EYS: variants seen among roughly 807,000 people sequenced by gnomAD.
The protein encoded by EYS is protein eyes shut homolog.
Under a neutral mutation model 282.1 loss-of-function variants are expected in EYS, and 250 were observed. The ratio of observed to expected loss-of-function variants is 0.89; its 90% CI spans 0.80 to 0.98. The LOEUF is 0.98. Ranked by LOEUF, EYS falls within the 50% of genes least tolerant of loss-of-function variation. EYS has a pLI of 0.00. For missense variants in EYS, 4,016 were observed against 3,709.0 expected (o/e 1.08, Z -2.15); for synonymous variants, 1,355 against 1,282.9 (o/e 1.06, Z -1.20).
At chr6:63,900,966 T>G (rs1773643494) in intron 35 of EYS, among the ~76,000 whole-genome samples, 1 of 152,156 alleles carries the variant, frequency 6.6e-6, no homozygotes, top group East Asian at 1.9e-4. Context: ...AAAAGGCCAG[T>G]ACTCAACAAA....
At chr6:64,463,493 G>T (rs1775822697) in intron 26 of EYS, among the ~76,000 whole-genome samples, 2 of 152,232 alleles carry the variant, frequency 1.3e-5, no homozygotes, top group South Asian at 4.2e-4. Context: ...TTCTAGAATT[G>T]CCTTGATAAT....
At chr6:65,446,424 G>A (rs1295827342) in intron 5 of EYS, among the ~76,000 whole-genome samples, 1 of 151,764 alleles carries the variant, frequency 6.6e-6, no homozygotes, top group African/African-American at 2.4e-5. Context: ...AAGTTTAAAT[G>A]ATATAAATGT....
chr6:64,133,636 C>A (rs917172935), intron 31 of EYS, among the ~76,000 whole-genome samples: 3 of 151,886 alleles, frequency 2.0e-5, no homozygotes, highest in African/African-American at 7.2e-5. Context: ...TTCTCCATAT[C>A]TTGTATTTTT....
chr6:63,905,222 C>T (rs1199282653), intron 35 of EYS, among the ~76,000 whole-genome samples: 1 of 151,456 alleles, frequency 6.6e-6, no homozygotes, highest in Non-Finnish European at 1.5e-5. Flanking sequence ...TTATCCATGT[C>T]GTAGCATGTA....
intron 12 of EYS, among the ~76,000 whole-genome samples, chr6:65,203,341 C>G (rs1765949653): frequency 6.6e-6 from 1 of 152,132 alleles, no homozygotes; most frequent in Non-Finnish European, 1.5e-5. Context: ...ACTAGATATG[C>G]AACCCAAGCC....
chr6:64,468,638 G>C (rs1357177884), intron 26 of EYS, among the ~76,000 whole-genome samples: 1 of 152,038 alleles, frequency 6.6e-6, no homozygotes, highest in Non-Finnish European at 1.5e-5. Context: ...TGTATTTTTT[G>C]ATCCTCACCC....
At chr6:64,571,466 C>CA (rs1242708615) in intron 26 of EYS, among the ~76,000 whole-genome samples, 2 of 151,936 alleles carry the variant, frequency 1.3e-5, no homozygotes, top group East Asian at 1.9e-4. Context: ...AAAAACCTTT[C>CA]AAAAAATCAA....
chr6:64,737,725 G>A (rs77337321), intron 22 of EYS, among the ~76,000 whole-genome samples: 5,183 of 152,246 alleles, frequency 0.034, 105 homozygotes, highest in Non-Finnish European at 0.048. Flanking sequence ...CAGAATTCTT[G>A]TGGATCCACA....
chr6:64,767,351 A>G (rs1773384225), intron 22 of EYS, among the ~76,000 whole-genome samples: 1 of 152,172 alleles, frequency 6.6e-6, no homozygotes, highest in Middle Eastern at 3.2e-3. Flanking sequence ...CTGCAGTGCT[A>G]CAGAATGCTA....
chr6:65,317,821 C>CTTTCTTTCTTT (rs1769340793), intron 11 of EYS, among the ~76,000 whole-genome samples: 2 of 51,534 alleles, frequency 3.9e-5, no homozygotes, highest in African/African-American at 1.8e-4. Context: ...TTCCTTCCTT[C>CTTTCTTTCTTT]CTTCCTTTCT....
At chr6:63,871,952 A>G (rs114956014) in intron 35 of EYS, among the ~76,000 whole-genome samples, 1,530 of 152,266 alleles carry the variant, frequency 0.01, 7 homozygotes, top group Middle Eastern at 0.037. Context: ...AATTACCACC[A>G]GGAGACAGCC....
At chr6:64,539,544 T>G (rs574128172) in intron 26 of EYS, among the ~76,000 whole-genome samples, 80 of 152,194 alleles carry the variant, frequency 5.3e-4, no homozygotes, top group African/African-American at 1.9e-3. Flanking sequence ...GCACTCCAGC[T>G]TGGGCAACTG....
rs1024817479 is a variant in EYS at position 64,793,637 on chromosome 6, A to G, written c.3443+19741T>C. ...TTTTTTATTTACGGTTTCAAATTCA[A>G]TGGCTTGAGTTTCAGGAATAAATAT... On this transcript the variant is annotated intron_variant, in intron 22 of 42. Coordinates refer to ENST00000503581, the MANE Select transcript of EYS (RefSeq NM_001142800.2). Among the ~76,000 whole-genome samples, 25 of 152,212 alleles carry G rather than the reference A, an allele frequency of 1.6e-4. 1 individual carries two copies. The highest frequency in any genetic ancestry group is 1.2e-3 in the Admixed American group (18 of 15,270).
At position 65,437,051 on chromosome 6, in the gene EYS, G is replaced by T. The variant is rs372117724; in HGVS notation, c.863-31684C>A. Among the ~76,000 whole-genome samples the T allele has an allele frequency of 1.1e-4, 16 of 152,190 alleles. No homozygotes were observed. In the East Asian group the frequency reaches 3.1e-3, roughly 29 times the overall value. On this transcript the variant is annotated intron_variant, in intron 5 of 42. Transcript: ENST00000503581. Reference sequence around the variant, plus strand: ...AAGTATAGTATTTTGGTGTAAGCTGGCTGATTGGTAGCAGAATAGAAAGTC... The same window carrying T: ...AAGTATAGTATTTTGGTGTAAGCTGTCTGATTGGTAGCAGAATAGAAAGTC...
intron 33 of EYS, among the ~76,000 whole-genome samples, chr6:64,001,869 G>A (rs895700744): frequency 2.6e-5 from 4 of 152,208 alleles, no homozygotes; most frequent in African/African-American, 7.2e-5. Context: ...TGATATGGGA[G>A]GCAGGCAGGG....
intron 22 of EYS, among the ~76,000 whole-genome samples, chr6:64,795,848 T>C (rs1274691011): frequency 6.6e-6 from 1 of 152,200 alleles, no homozygotes; most frequent in Admixed American, 6.5e-5. Flanking sequence ...ATATACATGC[T>C]CAGATCTGCT....
chr6:64,778,559 A>G (rs1188071028), intron 22 of EYS, among the ~76,000 whole-genome samples: 6 of 152,022 alleles, frequency 3.9e-5, no homozygotes, highest in African/African-American at 1.2e-4. Flanking sequence ...GAATTTAAAC[A>G]TGAATCTCTC....
chr6:65,661,553 A>T (rs2149825922), intron 1 of EYS, among the ~76,000 whole-genome samples: 1 of 152,188 alleles, frequency 6.6e-6, no homozygotes, highest in East Asian at 1.9e-4. Context: ...TACAATTTTG[A>T]ATGAATGAGA....
Position 63,720,565 on chromosome 6 carries a change from T to G in EYS, c.*31A>C, listed in dbSNP as rs1351859991. The stretch of plus-strand genomic sequence containing the variant: ...AACTATCAAAATAACTGCATTTATG[T>G]ATAGTGTGTACTAAAATCTCTAGTG... On this transcript the variant is annotated 3_prime_UTR_variant, in exon 43 of 43. Transcript: ENST00000503581. The G allele has an allele frequency of 1.4e-6, 2 of 1,407,386 alleles. No homozygotes were observed. Among genetic ancestry groups the G allele is most frequent in the East Asian group, 2.5e-5 (1 of 39,988 alleles). 87.2% of individuals were successfully genotyped at this position (1,407,386 alleles called of 1,614,324 possible).
Sources: gnomAD v4.1 joint callset for allele counts (sites outside exome capture counted in the v4.1 genomes callset) on GRCh38, gnomAD v4.1.1 for gene constraint, MANE v1.5 for transcripts, NCBI Gene and HGNC (gene_info 2026-07-23, HGNC 2026-07-21) for gene names.